TMEM232: variants seen among roughly 807,000 people sequenced by gnomAD.
TMEM232 encodes the protein transmembrane protein 232.
TMEM232 carries 80 observed loss-of-function variants against 78.8 expected under a neutral mutation model. That is an observed-to-expected ratio of 1.01 (90% CI 0.85 to 1.22). TMEM232 has a LOEUF of 1.22. TMEM232 is among the 50% of genes most tolerant of loss of function. The pLI, the probability that TMEM232 is intolerant of heterozygous loss-of-function variation, is 0.00. For synonymous variants in TMEM232, 297 were observed against 254.3 expected, an observed-to-expected ratio of 1.17 and a Z score of -1.60; for missense variants, 881 against 742.2, an observed-to-expected ratio of 1.19 and a Z score of -2.17.
chr5:110,485,293 T>G (rs1034863906), intron 12 of TMEM232, among the ~76,000 whole-genome samples: 1 of 152,160 alleles, frequency 6.6e-6, no homozygotes, highest in Non-Finnish European at 1.5e-5. Context: ...AACAGCAGAA[T>G]ATACATTCTT....
At chr5:110,697,623 C>G (rs944843697) in intron 1 of TMEM232, among the ~76,000 whole-genome samples, 7 of 152,204 alleles carry the variant, frequency 4.6e-5, no homozygotes, top group African/African-American at 1.4e-4. Context: ...ACAACCCCAT[C>G]AACAAGTAGG....
At chr5:110,421,963 C>G (rs527562559) in intron 13 of TMEM232, among the ~76,000 whole-genome samples, 25 of 152,256 alleles carry the variant, frequency 1.6e-4, no homozygotes, top group African/African-American at 5.5e-4. Flanking sequence ...TTCTCAGGAA[C>G]CAGTTTTGCA....
chr5:110,559,269 G>A (rs1050083142), intron 11 of TMEM232, among the ~76,000 whole-genome samples: 3 of 152,034 alleles, frequency 2.0e-5, no homozygotes, highest in African/African-American at 7.3e-5. Flanking sequence ...ATATCTTTCT[G>A]ACCATGGGGT....
At chr5:110,466,898 TTGTG>T (rs36031837) in intron 12 of TMEM232, among the ~76,000 whole-genome samples, 17 of 149,750 alleles carry the variant, frequency 1.1e-4, no homozygotes, top group East Asian at 2.0e-4. Flanking sequence ...ACTATAGTAT[TTGTG>T]TGTGTGTGTG....
At chr5:110,624,812 T>C (rs1784206151) in intron 7 of TMEM232, among the ~76,000 whole-genome samples, 1 of 152,064 alleles carries the variant, frequency 6.6e-6, no homozygotes, top group Non-Finnish European at 1.5e-5. Context: ...CATAACATTA[T>C]CTAAAAACAG....
At chr5:110,474,007 G>A (rs956677286) in intron 12 of TMEM232, among the ~76,000 whole-genome samples, 1 of 149,866 alleles carries the variant, frequency 6.7e-6, no homozygotes, top group African/African-American at 2.5e-5. Flanking sequence ...GAGAGAAATG[G>A]GGAGAGGTTG....
intron 2 of TMEM232, among the ~76,000 whole-genome samples, chr5:110,645,614 T>C (rs1449061746): frequency 6.6e-6 from 1 of 151,586 alleles, no homozygotes; most frequent in African/African-American, 2.4e-5. Context: ...ACAGCCAATA[T>C]CATAATTAAT....
At chr5:110,416,304 A>G (rs553537373), downstream of TMEM232, among the ~76,000 whole-genome samples, 112 of 152,348 alleles carry the variant, frequency 7.4e-4, no homozygotes, top group African/African-American at 2.5e-3. Flanking sequence ...AGGCATTGGC[A>G]CAACAGTTTC....
At chr5:110,586,165 C>A (rs951494000) in intron 10 of TMEM232, among the ~76,000 whole-genome samples, 3 of 152,010 alleles carry the variant, frequency 2.0e-5, no homozygotes, top group Non-Finnish European at 2.9e-5. Context: ...AGTGGTATTT[C>A]TTTTATTATT....
At chr5:110,615,927 A>G (rs1782868895) in intron 8 of TMEM232, among the ~76,000 whole-genome samples, 1 of 151,996 alleles carries the variant, frequency 6.6e-6, no homozygotes, top group African/African-American at 2.4e-5. Context: ...ATAAAGCCTA[A>G]GCAATTAAGT....
intron 5 of TMEM232, among the ~76,000 whole-genome samples, chr5:110,637,573 G>A: frequency 6.7e-6 from 1 of 149,882 alleles, no homozygotes; most frequent in Non-Finnish European, 1.5e-5. Context: ...GAACATATAT[G>A]TGTATATATA....
intron 2 of TMEM232, among the ~76,000 whole-genome samples, chr5:110,733,591 A>G (rs760165673): frequency 3.3e-5 from 5 of 152,180 alleles, no homozygotes; most frequent in African/African-American, 7.2e-5. Context: ...AACAGAAAAC[A>G]AAATACCGCA....
At chr5:110,727,251 T>C (rs1374465266), upstream of TMEM232, among the ~76,000 whole-genome samples, 1 of 152,188 alleles carries the variant, frequency 6.6e-6, no homozygotes, top group Non-Finnish European at 1.5e-5. Context: ...AGCAACTGTA[T>C]ATATTTTACA....
At chr5:110,726,179 G>C (rs201061017) in intron 1 of TMEM232, among the ~76,000 whole-genome samples, 2 of 116,714 alleles carry the variant, frequency 1.7e-5, no homozygotes, top group Non-Finnish European at 3.6e-5. Flanking sequence ...TGAAGTCCAA[G>C]AGTCTTCATA....
chr5:110,662,125 T>G, intron 2 of TMEM232, among the ~76,000 whole-genome samples: 1 of 152,290 alleles, frequency 6.6e-6, no homozygotes, highest in Middle Eastern at 3.4e-3. Flanking sequence ...ATAAGAAAAT[T>G]TAGCAATATT....
intron 10 of TMEM232, among the ~76,000 whole-genome samples, chr5:110,570,897 T>C (rs1411289925): frequency 1.3e-5 from 2 of 151,990 alleles, no homozygotes; most frequent in African/African-American, 2.4e-5. Context: ...AACACATCTA[T>C]CACCACTCCT....
intron 12 of TMEM232, among the ~76,000 whole-genome samples, chr5:110,428,380 T>C (rs771388852): frequency 6.6e-6 from 1 of 151,840 alleles, no homozygotes; most frequent in Non-Finnish European, 1.5e-5. Flanking sequence ...TCTGCACTTT[T>C]GAGATATAAA....
At chr5:110,638,130 C>T in intron 5 of TMEM232, 68 bp downstream of exon 5, 1 of 1,227,076 alleles carries the variant, frequency 8.1e-7, no homozygotes, top group Admixed American at 2.9e-5. Flanking sequence ...GATCCTAAAA[C>T]AGATGTCATG....
At position 110,691,376 on chromosome 5, in the gene TMEM232, T is replaced by C. The variant is rs189498626; in HGVS notation, c.-12-24012A>G. On this transcript the variant is annotated intron_variant, in intron 1 of 13. Transcript: ENST00000455884. ...ACCATAGGAAGCCCTTTGTCTTTGA[T>C]GCAAACTGCTAATGTGATGAATGGT... Among the ~76,000 whole-genome samples the C allele has an allele frequency of 6.8e-3, 1,041 of 152,334 alleles. 5 individuals are homozygous for C. The highest frequency in any genetic ancestry group is 0.013 in the Admixed American group (203 of 15,302).
Sources: gnomAD v4.1 joint callset for allele counts (sites outside exome capture counted in the v4.1 genomes callset) on GRCh38, gnomAD v4.1.1 for gene constraint, MANE v1.5 for transcripts, NCBI Gene and HGNC (gene_info 2026-07-23, HGNC 2026-07-21) for gene names.